DOCK1: variants seen among roughly 807,000 people sequenced by gnomAD.
DOCK1 encodes the protein dedicator of cytokinesis 1, also known as dedicator of cytokinesis protein 1.
DOCK1 carries 138 observed loss-of-function variants against 262.7 expected under a neutral mutation model. That is an observed-to-expected ratio of 0.53 (90% CI 0.46 to 0.61). The LOEUF (loss-of-function observed/expected upper bound fraction) is 0.61, where lower values mean the gene tolerates loss of function less well. Among genes scored for constraint, DOCK1 ranks in the 20% least tolerant of loss-of-function variants. DOCK1 has a pLI of 0.00. For synonymous variants in DOCK1, 866 were observed against 867.4 expected, an observed-to-expected ratio of 1.00 and a Z score of 0.03; for missense variants, 1,908 against 2,370.7, an observed-to-expected ratio of 0.80 and a Z score of 4.05.
chr10:127,178,558 C>A (rs1029608858), intron 27 of DOCK1, among the ~76,000 whole-genome samples: 3 of 152,204 alleles, frequency 2.0e-5, no homozygotes, highest in African/African-American at 7.2e-5. Flanking sequence ...AGCCCTTGCA[C>A]CTCTGGATGC....
At chr10:126,986,824 C>T (rs1179784042) in intron 4 of DOCK1, among the ~76,000 whole-genome samples, 3 of 152,128 alleles carry the variant, frequency 2.0e-5, no homozygotes, top group African/African-American at 4.8e-5. Flanking sequence ...GCAGGAGAAT[C>T]GCTTGAACCT....
intron 21 of DOCK1, 31 bp downstream of exon 21, chr10:127,043,195 C>T: frequency 6.6e-7 from 1 of 1,506,028 alleles, no homozygotes; most frequent in South Asian, 1.2e-5. Flanking sequence ...AAAACCAATA[C>T]TTCTTTTTTT....
chr10:126,972,405 C>T (rs758172382), intron 2 of DOCK1, among the ~76,000 whole-genome samples: 8 of 152,088 alleles, frequency 5.3e-5, no homozygotes, highest in Non-Finnish European at 1.0e-4. Flanking sequence ...TTTTTAAAGA[C>T]TGTTCAGATC....
In DOCK1 at chr10:126,984,535, G is replaced by T. The variant is rs796861376; in HGVS notation, c.227+2562G>T. 8.1e-4 allele frequency among the ~76,000 whole-genome samples: 115 copies of T among 141,762 alleles called. 1 individual carries two copies. The highest frequency in any genetic ancestry group is 1.8e-3 in the African/African-American group (72 of 39,054). The allele number at this position is 141,762 out of a possible 152,430, so 93.0% of individuals were successfully genotyped here. A position where few individuals can be genotyped will look rare whatever the true frequency, so the allele number is the denominator to read the frequency against. ...CTAATTTTTGTGTGTGTGTGTGTGT[G>T]TTTTTTTTTTTTCAGTAGAGATGGG... On this transcript the variant is annotated intron_variant, in intron 4 of 51. Coordinates refer to ENST00000623213, the MANE Select transcript of DOCK1 (RefSeq NM_001290223.2).
At chr10:127,358,072 G>A (rs889661591) in intron 32 of DOCK1, among the ~76,000 whole-genome samples, 4 of 151,932 alleles carry the variant, frequency 2.6e-5, no homozygotes, top group East Asian at 1.9e-4. Flanking sequence ...TGATAGCACC[G>A]ACTCTGCCAA....
At chr10:127,001,421 T>C (rs1257842041) in intron 10 of DOCK1, 3 of 152,188 alleles carry the variant, frequency 2.0e-5, no homozygotes, top group Non-Finnish European at 4.4e-5. Flanking sequence ...CCACCATAGA[T>C]TGGTACATTG....
At chr10:127,442,815 G>A (rs184824276) in intron 49 of DOCK1, among the ~76,000 whole-genome samples, 36 of 152,336 alleles carry the variant, frequency 2.4e-4, no homozygotes, top group Non-Finnish European at 4.0e-4. Flanking sequence ...TGACCGCACG[G>A]ATGTTGCCCC....
Position 127,354,650 on chromosome 10 carries a change from T to C in DOCK1, c.3225-19T>C, listed in dbSNP as rs1429716257. 6.2e-7 allele frequency: 1 copy of C among 1,613,678 alleles called. No homozygotes were observed. ...GCCTTCCGGAGTGATTCAGCGTTTT[T>C]CTTTTCCCTGATTTCCAGGTACGGA... is the stretch of plus-strand genomic sequence containing the variant. On this transcript the variant is annotated intron_variant, in intron 31 of 51. Coordinates refer to ENST00000623213, the MANE Select transcript of DOCK1 (RefSeq NM_001290223.2).
intron 22 of DOCK1, among the ~76,000 whole-genome samples, chr10:127,053,289 C>T (rs538787102): frequency 6.9e-4 from 105 of 152,310 alleles, no homozygotes; most frequent in African/African-American, 2.3e-3. Context: ...TTGCAGCGAG[C>T]GGAGATCGCG....
rs184270576 is a variant in DOCK1 at position 127,126,188 on chromosome 10, G to A, written c.2751+587G>A. Among the ~76,000 whole-genome samples, 246 of 151,722 alleles carry A rather than the reference G, an allele frequency of 1.6e-3. 1 individual carries two copies. The highest frequency in any genetic ancestry group is 5.3e-3 in the African/African-American group (221 of 41,358). On this transcript the variant is annotated intron_variant, in intron 26 of 51. Transcript: ENST00000623213. ...CAGCTCATGGCAACCTCTGCCTCCC[G>A]GGTTCAAGTGATTCTCCTGCCTCAG...
At chr10:127,336,667 G>C (rs1434013803) in intron 29 of DOCK1, among the ~76,000 whole-genome samples, 1 of 151,776 alleles carries the variant, frequency 6.6e-6, no homozygotes, top group African/African-American at 2.4e-5. Flanking sequence ...AGCCTCCCAA[G>C]TAGCTGGGAC....
chr10:126,984,369 A>G (rs1198108468), intron 4 of DOCK1, among the ~76,000 whole-genome samples: 2 of 152,156 alleles, frequency 1.3e-5, no homozygotes, highest in African/African-American at 4.8e-5. Context: ...ATTTTATGAG[A>G]TGGAGTCTTG....
intron 1 of DOCK1, among the ~76,000 whole-genome samples, chr10:126,906,416 T>G (rs1241946398): frequency 1.3e-5 from 2 of 152,182 alleles, no homozygotes; most frequent in Non-Finnish European, 2.9e-5. Flanking sequence ...CGCCCACCTC[T>G]TCGTGATCTG....
At chr10:127,066,164 TTC>T (rs1262934521) in intron 23 of DOCK1, among the ~76,000 whole-genome samples, 3 of 152,010 alleles carry the variant, frequency 2.0e-5, no homozygotes, top group African/African-American at 7.2e-5. Context: ...TCGAGTCGTG[TTC>T]TGTGTTCTGC....
intron 31 of DOCK1, among the ~76,000 whole-genome samples, chr10:127,353,971 T>C (rs1002141760): frequency 7.0e-5 from 10 of 142,140 alleles, no homozygotes; most frequent in African/African-American, 2.8e-4. Context: ...TAATCCTGTA[T>C]GATAATTTTG....
chr10:127,029,467 G>A (rs34794719), intron 16 of DOCK1, among the ~76,000 whole-genome samples: 3,557 of 152,310 alleles, frequency 0.023, 53 homozygotes, highest in Non-Finnish European at 0.04. Context: ...GCAACCTGTC[G>A]GCAACTCCAG....
chr10:127,237,475 C>G (rs184823504), intron 27 of DOCK1, among the ~76,000 whole-genome samples: 1 of 152,174 alleles, frequency 6.6e-6, no homozygotes, highest in African/African-American at 2.4e-5. Flanking sequence ...CTTACAACTT[C>G]CACTGTATTT....
intron 33 of DOCK1, among the ~76,000 whole-genome samples, chr10:127,369,153 A>G (rs1201931357): frequency 1.3e-5 from 2 of 152,190 alleles, no homozygotes; most frequent in Admixed American, 6.5e-5. Flanking sequence ...CAGTAATTGA[A>G]TAGCCGGGTG....
Position 126,977,929 on chromosome 10 carries a change from C to G in DOCK1, c.131-19C>G, listed in dbSNP as rs1411309891. 3.1e-6 allele frequency: 5 copies of G among 1,613,738 alleles called. No homozygotes were observed. Among genetic ancestry groups the G allele is most frequent in the Admixed American group, 1.7e-5 (1 of 59,998 alleles). On this transcript the variant is annotated intron_variant, in intron 2 of 51. Transcript: ENST00000623213. ...ACATGTCTCTTTGTACTAACTGTTT[C>G]AACTTTGTGTTTGTTTAGGGTGGTA...
Sources: gnomAD v4.1 joint callset for allele counts (sites outside exome capture counted in the v4.1 genomes callset) on GRCh38, gnomAD v4.1.1 for gene constraint, MANE v1.5 for transcripts, NCBI Gene and HGNC (gene_info 2026-07-23, HGNC 2026-07-21) for gene names.